SLC22A9: variants seen among roughly 807,000 people sequenced by gnomAD.
The protein encoded by SLC22A9 is solute carrier family 22 member 9.
A neutral mutation model predicts 50.1 loss-of-function variants in SLC22A9; 64 were observed. The observed-to-expected ratio is 1.28, with a 90% CI of 1.04 to 1.57. SLC22A9 has a LOEUF of 1.57. Among genes scored for constraint, SLC22A9 ranks in the 40% most tolerant of loss-of-function variants. SLC22A9 has a pLI of 0.00. For missense variants in SLC22A9, 757 were observed against 676.1 expected, an observed-to-expected ratio of 1.12 and a Z score of -1.33; for synonymous variants, 261 against 242.5, an observed-to-expected ratio of 1.08 and a Z score of -0.71.
chr11:63,386,708 G>A (rs574734243), intron 6 of SLC22A9, among the ~76,000 whole-genome samples: 14 of 151,000 alleles, frequency 9.3e-5, no homozygotes, highest in Admixed American at 5.3e-4. Context: ...TTTGAGTCTT[G>A]TCTCTTTTCT....
rs755838857 is a variant in SLC22A9, at chr11:63,390,119, G to T, written c.1073+7842G>T. On this transcript the variant is annotated intron_variant, in intron 6 of 9. Coordinates refer to ENST00000279178, the MANE Select transcript of SLC22A9 (RefSeq NM_080866.3). ...GCTTGCAAAAATTTTCTCCCATTCT[G>T]TAGATTGACTGTTCACTCTGATGAT... 7.9e-5 allele frequency among the ~76,000 whole-genome samples: 12 copies of T among 152,262 alleles called. No homozygotes were observed. In the South Asian group the frequency reaches 2.5e-3, roughly 32 times the overall value.
In SLC22A9 at chr11:63,370,775, G is replaced by A. The variant is rs1057501272; in HGVS notation, c.402+317G>A. Among the ~76,000 whole-genome samples, 12 of 152,190 alleles carry A rather than the reference G, an allele frequency of 7.9e-5. No homozygotes were observed. The South Asian group carries it at 2.5e-3, about 32-fold the overall frequency. ...CTGTCATTGCAAATTAGAAATATCTGGGAAATTGAGAAAAGCCTCCATGCC... is the reference window on the plus strand; with the variant it reads ...CTGTCATTGCAAATTAGAAATATCTAGGAAATTGAGAAAAGCCTCCATGCC... On this transcript the variant is annotated intron_variant, in intron 1 of 9. Transcript: ENST00000279178.
chr11:63,393,540 A>G (rs57727018), intron 6 of SLC22A9, among the ~76,000 whole-genome samples: 14,130 of 152,070 alleles, frequency 0.093, 1,557 homozygotes, highest in African/African-American at 0.27. Flanking sequence ...TTCCCCATTC[A>G]GTATTATGTT....
chr11:63,394,121 G>T lies in SLC22A9; in HGVS notation c.1073+11844G>T, dbSNP rs143111050. Among the ~76,000 whole-genome samples the T allele has an allele frequency of 8.2e-4, 124 of 152,114 alleles. No individual in the cohort carries two copies. The East Asian group carries it at 0.018, about 22-fold the overall frequency. On this transcript the variant is annotated intron_variant, in intron 6 of 9. Coordinates refer to ENST00000279178, the MANE Select transcript of SLC22A9 (RefSeq NM_080866.3). Reference sequence around the variant, plus strand: ...CTTGTGTATGCTTCACGAAGTTCTCGTGTTGTGTTTTTCAGCTCCATCAGG... The same window carrying T: ...CTTGTGTATGCTTCACGAAGTTCTCTTGTTGTGTTTTTCAGCTCCATCAGG...
chr11:63,369,862 A>C lies in SLC22A9; in HGVS notation c.-195A>C. On this transcript the variant is annotated 5_prime_UTR_variant, in exon 1 of 10. Coordinates refer to ENST00000279178, the MANE Select transcript of SLC22A9 (RefSeq NM_080866.3). ...GTGACTTTAGAGAAAACGGCTACCTATCTGACCCCAAAACGACTTGAGGAA... is the reference window on the plus strand; with the variant it reads ...GTGACTTTAGAGAAAACGGCTACCTCTCTGACCCCAAAACGACTTGAGGAA... The C allele has an allele frequency of 1.9e-6, 1 of 534,024 alleles. No homozygotes were observed. The highest frequency in any genetic ancestry group is 3.2e-5 in the South Asian group (1 of 30,866). 33.1% of individuals were successfully genotyped at this position (534,024 alleles called of 1,614,324 possible).
intron 6 of SLC22A9, among the ~76,000 whole-genome samples, chr11:63,385,106 G>GTTTTTTTTTTTTT (rs149124193): frequency 5.2e-5 from 4 of 76,558 alleles, no homozygotes; most frequent in East Asian, 4.2e-4. Context: ...TGATGATACA[G>GTTTTTTTTTTTTT]TTTTTTTTTT....
intron 5 of SLC22A9, among the ~76,000 whole-genome samples, chr11:63,381,231 T>C (rs1216330176): frequency 6.6e-6 from 1 of 152,130 alleles, no homozygotes; most frequent in Non-Finnish European, 1.5e-5. Context: ...GGGAGTCCAG[T>C]AAATAACATA....
intron 6 of SLC22A9, among the ~76,000 whole-genome samples, chr11:63,399,723 T>C (rs533315677): frequency 8.5e-5 from 13 of 152,138 alleles, no homozygotes; most frequent in Non-Finnish European, 1.8e-4. Flanking sequence ...CAGAACATTT[T>C]ACTCAGCAAA....
intron 7 of SLC22A9, among the ~76,000 whole-genome samples, chr11:63,407,849 T>C (rs1374103233): frequency 6.6e-6 from 1 of 152,214 alleles, no homozygotes; most frequent in Non-Finnish European, 1.5e-5. Flanking sequence ...CACGCCTCTC[T>C]CTTGCTATGG....
chr11:63,409,965 G>A lies in SLC22A9; in HGVS notation c.*103G>A. ...TCTAGAAAATAAATAACAAGGCTGG[G>A]TGCGGTGGCTCACGCCTGTAATCCC... On this transcript the variant is annotated 3_prime_UTR_variant, in exon 10 of 10. Coordinates refer to ENST00000279178, the MANE Select transcript of SLC22A9 (RefSeq NM_080866.3). 3 of 1,342,372 alleles carry A rather than the reference G, an allele frequency of 2.2e-6. No individual in the cohort carries two copies. Among genetic ancestry groups the A allele is most frequent in the Non-Finnish European group, 3.1e-6 (3 of 955,490 alleles). The allele number at this position is 1,342,372 out of a possible 1,614,324, so 83.2% of individuals were successfully genotyped here.
At chr11:63,406,186 G>T (rs1281013855) in intron 6 of SLC22A9, among the ~76,000 whole-genome samples, 1 of 152,130 alleles carries the variant, frequency 6.6e-6, no homozygotes, top group Non-Finnish European at 1.5e-5. Flanking sequence ...AGCTACCAAA[G>T]ATACCTTTGA....
chr11:63,409,821 C>A lies in SLC22A9; in HGVS notation c.1621C>A (p.Pro541Thr). Residue 541 changes from proline to threonine, a missense_variant, in exon 10 of 10, where the codon CCA becomes ACA. Physicochemically the swap from Pro to Thr is conservative, Grantham distance 38. Transcript: ENST00000279178. Reference sequence around the variant, plus strand: ...TTCTAGGAGAAAAGACCCCAGAGAACCAAAGCAAGAGGATCCGAGAGTGGA... The same window carrying A: ...TTCTAGGAGAAAAGACCCCAGAGAAACAAAGCAAGAGGATCCGAGAGTGGA... ...EKNERKDPRE[P>T]KQEDPRVEVT... 6.2e-7 allele frequency: 1 copy of A among 1,613,524 alleles called. No homozygotes were observed. The highest frequency in any genetic ancestry group is 8.5e-7 in the Non-Finnish European group (1 of 1,179,798).
At chr11:63,397,132 G>T (rs1488300134) in intron 6 of SLC22A9, among the ~76,000 whole-genome samples, 1 of 152,200 alleles carries the variant, frequency 6.6e-6, no homozygotes, top group Non-Finnish European at 1.5e-5. Flanking sequence ...CAGACCCACA[G>T]ATATACTGAC....
intron 6 of SLC22A9, among the ~76,000 whole-genome samples, chr11:63,383,705 A>G (rs926004162): frequency 1.3e-5 from 2 of 152,184 alleles, no homozygotes; most frequent in Non-Finnish European, 2.9e-5. Flanking sequence ...GAATAAAGTG[A>G]TAACAAATTA....
At chr11:63,385,169 A>G (rs1427279855) in intron 6 of SLC22A9, among the ~76,000 whole-genome samples, 1 of 118,732 alleles carries the variant, frequency 8.4e-6, no homozygotes, top group Non-Finnish European at 1.8e-5. Context: ...CCTATGGCCA[A>G]TTTTTTTTTT....
At chr11:63,386,227 A>T (rs2014663310) in intron 6 of SLC22A9, among the ~76,000 whole-genome samples, 1 of 152,112 alleles carries the variant, frequency 6.6e-6, no homozygotes, top group African/African-American at 2.4e-5. Context: ...ACCAATGTTC[A>T]TCAAGGATAT....
At chr11:63,394,312 T>C (rs1439298355) in intron 6 of SLC22A9, among the ~76,000 whole-genome samples, 1 of 152,206 alleles carries the variant, frequency 6.6e-6, no homozygotes, top group South Asian at 2.1e-4. Context: ...TATTTTTGTT[T>C]TATAGGTCCT....
chr11:63,408,383 TG>T (rs2015077039), intron 8 of SLC22A9, among the ~76,000 whole-genome samples, 163 bp downstream of exon 8: 2 of 152,226 alleles, frequency 1.3e-5, no homozygotes, highest in African/African-American at 4.8e-5. Flanking sequence ...GCTGACTTTT[TG>T]CCACTGTATT....
chr11:63,377,407 A>C (rs2014483485), intron 5 of SLC22A9, among the ~76,000 whole-genome samples: 1 of 152,180 alleles, frequency 6.6e-6, no homozygotes, highest in Non-Finnish European at 1.5e-5. Context: ...AAGATCTCCC[A>C]AAATCATAAA....
Sources: gnomAD v4.1 joint callset for allele counts (sites outside exome capture counted in the v4.1 genomes callset) on GRCh38, gnomAD v4.1.1 for gene constraint, MANE v1.5 for transcripts, NCBI Gene and HGNC (gene_info 2026-07-23, HGNC 2026-07-21) for gene names.